Variants in STX11 observed in about 807,000 individuals in gnomAD.
STX11 encodes the protein syntaxin 11.
A neutral mutation model predicts 19.9 loss-of-function variants in STX11; 21 were observed. That is an observed-to-expected ratio of 1.06 (90% CI 0.75 to 1.52). The LOEUF (loss-of-function observed/expected upper bound fraction) is 1.52. Among genes scored for constraint, STX11 ranks in the 40% most tolerant of loss-of-function variants. The pLI, the probability that STX11 is intolerant of heterozygous loss-of-function variation, is 0.00. For synonymous variants in STX11, 193 were observed against 174.4 expected, an observed-to-expected ratio of 1.11 and a Z score of -0.84; for missense variants, 438 against 405.9, an observed-to-expected ratio of 1.08 and a Z score of -0.68.
chr6:144,154,981 G>T lies in STX11; in HGVS notation c.-6+4278G>T, dbSNP rs577132412. On this transcript the variant is annotated intron_variant, in intron 1 of 1. Transcript: ENST00000367568. This position sits in a 1 kb window ranked among gnomAD's most constrained non-coding sequence, Gnocchi z 4.7. ...AAAAAAATGATCCCAACTCTTAACTGTTCTCATTGTTGATAATTCAACCTA... is the reference window on the plus strand; with the variant it reads ...AAAAAAATGATCCCAACTCTTAACTTTTCTCATTGTTGATAATTCAACCTA... 6.6e-6 allele frequency among the ~76,000 whole-genome samples: 1 copy of T among 151,966 alleles called. No individual in the cohort carries two copies. Among genetic ancestry groups the T allele is most frequent in the Non-Finnish European group, 1.5e-5 (1 of 67,998 alleles).
At chr6:144,148,657 C>T (rs915109364), upstream of STX11, among the ~76,000 whole-genome samples, 1 of 152,174 alleles carries the variant, frequency 6.6e-6, no homozygotes, top group African/African-American at 2.4e-5. Flanking sequence ...TTCCCCAAGT[C>T]CTTTTTCTGT....
In STX11 at chr6:144,151,151, G is replaced by A. The variant is rs1204866331; in HGVS notation, c.-6+448G>A. Reference sequence around the variant, plus strand: ...GGTACTTCTTGACTTGAACTTGGCGGTGTCACTCAGTAGCCAGGAAAGACG... The same window carrying A: ...GGTACTTCTTGACTTGAACTTGGCGATGTCACTCAGTAGCCAGGAAAGACG... On this transcript the variant is annotated intron_variant, in intron 1 of 1. Transcript: ENST00000367568. This position sits in a 1 kb window ranked among gnomAD's most constrained non-coding sequence, Gnocchi z 4.6. 1 of 788,630 alleles carries A rather than the reference G, an allele frequency of 1.3e-6. No individual in the cohort carries two copies. The highest frequency in any genetic ancestry group is 1.5e-6 in the Non-Finnish European group (1 of 650,410). 48.9% of individuals were successfully genotyped at this position (788,630 alleles called of 1,614,324 possible). A position where few individuals can be genotyped will look rare whatever the true frequency, so the allele number is the denominator to read the frequency against.
At chr6:144,173,294 A>G (rs1197809199) in intron 1 of STX11, among the ~76,000 whole-genome samples, 3 of 152,104 alleles carry the variant, frequency 2.0e-5, no homozygotes, top group Non-Finnish European at 4.4e-5. Context: ...CCTAAAACCT[A>G]TGTTCATAAT....
rs909173009 is a variant in STX11, at chr6:144,180,432, G to A, written c.-5-6191G>A. On this transcript the variant is annotated intron_variant, in intron 1 of 1. Coordinates refer to ENST00000367568, the MANE Select transcript of STX11 (RefSeq NM_003764.4). This position sits in a 1 kb window ranked among gnomAD's most constrained non-coding sequence, Gnocchi z 5.3. Reference sequence around the variant, plus strand: ...CTCCCAGAATTCCCATGTGTTGTGGGAGGGACCCAGGGGAAGGTAATTGAA... The same window carrying A: ...CTCCCAGAATTCCCATGTGTTGTGGAAGGGACCCAGGGGAAGGTAATTGAA... Among the ~76,000 whole-genome samples the A allele has an allele frequency of 5.9e-5, 9 of 152,202 alleles. No homozygotes were observed. Among genetic ancestry groups the A allele is most frequent in the Admixed American group, 2.0e-4 (3 of 15,278 alleles).
the STX11 span, among the ~76,000 whole-genome samples, chr6:144,143,820 C>T: frequency 2.0e-5 from 3 of 152,288 alleles, no homozygotes; most frequent in South Asian, 6.2e-4. Context: ...TTATTATGTT[C>T]ACTTATGGTA....
Position 144,186,325 on chromosome 6 carries a change from T to A in STX11, c.-5-298T>A, listed in dbSNP as rs560109642. ...AGAACTTAAAGTATAATAAAATATA[T>A]ATAAATAAATAAATAAATAAATAAA... On this transcript the variant is annotated intron_variant, in intron 1 of 1. Coordinates refer to ENST00000367568, the MANE Select transcript of STX11 (RefSeq NM_003764.4). Among the ~76,000 whole-genome samples the A allele has an allele frequency of 9.1e-3, 1,349 of 148,352 alleles. 10 individuals are homozygous for A. Among genetic ancestry groups the A allele is most frequent in the Non-Finnish European group, 0.015 (1,022 of 67,142 alleles).
chr6:144,186,692 G>A lies in STX11; in HGVS notation c.65G>A (p.Gly22Glu). The change falls in exon 2 of 2, where the codon GGG (glycine) becomes GAG (glutamate). Residue 22 changes from glycine to glutamate, a missense_variant. Gly to Glu is a moderately conservative substitution (Grantham distance 98, BLOSUM62 -2). Coordinates refer to ENST00000367568, the MANE Select transcript of STX11 (RefSeq NM_003764.4). ...CAATATGACCAGCAGTTCCCAGACGGGGACGATGAGTTTGACTCGCCCCAC... is the reference window on the plus strand; with the variant it reads ...CAATATGACCAGCAGTTCCCAGACGAGGACGATGAGTTTGACTCGCCCCAC... ...SKQYDQQFPD[G>E]DDEFDSPHED... 6.2e-7 allele frequency: 1 copy of A among 1,614,180 alleles called. No homozygotes were observed. The highest frequency in any genetic ancestry group is 8.5e-7 in the Non-Finnish European group (1 of 1,180,034).
intron 1 of STX11, among the ~76,000 whole-genome samples, chr6:144,185,175 T>C (rs764208744): frequency 9.2e-5 from 14 of 152,242 alleles, no homozygotes; most frequent in Admixed American, 1.3e-4. Context: ...GCTTAATTTA[T>C]GTAAATAATG....
At chr6:144,168,392 T>C (rs1042564567) in intron 1 of STX11, among the ~76,000 whole-genome samples, 3 of 152,228 alleles carry the variant, frequency 2.0e-5, no homozygotes, top group Non-Finnish European at 4.4e-5. Context: ...ATAGGCACTT[T>C]TTCTGCAGTG....
chr6:144,179,066 T>A (rs1034830060), intron 1 of STX11, among the ~76,000 whole-genome samples: 1 of 152,122 alleles, frequency 6.6e-6, no homozygotes, highest in Non-Finnish European at 1.5e-5. Flanking sequence ...CTTACAATCA[T>A]GGTGAGGCAA....
rs1801512160 is a variant in STX11, at chr6:144,167,413, A to G, written c.-6+16710A>G. On this transcript the variant is annotated intron_variant, in intron 1 of 1. Coordinates refer to ENST00000367568, the MANE Select transcript of STX11 (RefSeq NM_003764.4). This position sits in a 1 kb window ranked among gnomAD's most constrained non-coding sequence, Gnocchi z 5.0. ...AAATTTATGTTTCATATATACCTAT[A>G]CACATAGCCTGAAGATAATTGTATA... Among the ~76,000 whole-genome samples the G allele has an allele frequency of 6.6e-6, 1 of 152,218 alleles. No individual in the cohort carries two copies. Among genetic ancestry groups the G allele is most frequent in the African/African-American group, 2.4e-5 (1 of 41,454 alleles).
Position 144,160,826 on chromosome 6 carries a change from G to A in STX11, c.-6+10123G>A, listed in dbSNP as rs1801315856. 6.6e-6 allele frequency among the ~76,000 whole-genome samples: 1 copy of A among 151,988 alleles called. No individual in the cohort carries two copies. The highest frequency in any genetic ancestry group is 1.5e-5 in the Non-Finnish European group (1 of 68,008). On this transcript the variant is annotated intron_variant, in intron 1 of 1. Transcript: ENST00000367568. The surrounding 1 kb of genome is among the most constrained non-coding windows in gnomAD (Gnocchi z 4.3). The stretch of plus-strand genomic sequence containing the variant: ...TAGTGCAAGTGAACATTTAACTCAG[G>A]CTTGAAGTATGACTTCAAGTGAATG...
In STX11 at chr6:144,159,683, A is replaced by G. The variant is rs142467103; in HGVS notation, c.-6+8980A>G. On this transcript the variant is annotated intron_variant, in intron 1 of 1. Coordinates refer to ENST00000367568, the MANE Select transcript of STX11 (RefSeq NM_003764.4). The surrounding 1 kb of genome is among the most constrained non-coding windows in gnomAD (Gnocchi z 4.3). ...GAAGTTACTTTGTTAATATTTTAAT[A>G]TGTAATATACAGTGGAAGAAAATAA... is the stretch of plus-strand genomic sequence containing the variant. Among the ~76,000 whole-genome samples, 648 of 152,360 alleles carry G rather than the reference A, an allele frequency of 4.3e-3. 5 individuals are homozygous for G. The highest frequency in any genetic ancestry group is 5.4e-3 in the Non-Finnish European group (367 of 68,038).
chr6:144,154,901 G>A lies in STX11; in HGVS notation c.-6+4198G>A, dbSNP rs1444205805. 2.6e-5 allele frequency among the ~76,000 whole-genome samples: 4 copies of A among 152,110 alleles called. No homozygotes were observed. In the East Asian group the frequency reaches 7.7e-4, roughly 29 times the overall value. On this transcript the variant is annotated intron_variant, in intron 1 of 1. Coordinates refer to ENST00000367568, the MANE Select transcript of STX11 (RefSeq NM_003764.4). This position sits in a 1 kb window ranked among gnomAD's most constrained non-coding sequence, Gnocchi z 4.7. Reference sequence around the variant, plus strand: ...TTGGGGCACCTGGGTAGATTCTTTTGTCTGAACAGCAGTATTTTGACCAAC... The same window carrying A: ...TTGGGGCACCTGGGTAGATTCTTTTATCTGAACAGCAGTATTTTGACCAAC...
rs58005170 is a variant in STX11, at chr6:144,172,884, T to TA, written c.-5-13727dup. Among the ~76,000 whole-genome samples, 492 of 144,740 alleles carry TA rather than the reference T, an allele frequency of 3.4e-3. 4 individuals carry two copies. Among genetic ancestry groups the TA allele is most frequent in the African/African-American group, 0.01 (405 of 39,850 alleles). 95.0% of individuals were successfully genotyped at this position (144,740 alleles called of 152,430 possible). ...GGATAACAAAAGTAGACACCCCATT[T>TA]AAAAAAAAAAAAGAGCCATTAACAG... On this transcript the variant is annotated intron_variant, in intron 1 of 1. Coordinates refer to ENST00000367568, the MANE Select transcript of STX11 (RefSeq NM_003764.4). The surrounding 1 kb of genome is among the most constrained non-coding windows in gnomAD (Gnocchi z 4.2).
the STX11 span, among the ~76,000 whole-genome samples, chr6:144,141,657 TTGTTG>T: frequency 1.4e-5 from 1 of 72,092 alleles, no homozygotes; most frequent in Non-Finnish European, 2.8e-5. Context: ...TTCAGTTTTG[TTGTTG>T]TTGTTGTTGT....
At chr6:144,156,035 C>G (rs1801151024) in intron 1 of STX11, among the ~76,000 whole-genome samples, 1 of 129,676 alleles carries the variant, frequency 7.7e-6, no homozygotes, top group Non-Finnish European at 1.6e-5. Context: ...TCCTTCCTTC[C>G]TTCCTTCCTT....
rs745617077 is a variant in STX11 at position 144,186,796 on chromosome 6, C to T, written c.169C>T (p.Leu57=). 2 of 1,613,920 alleles carry T rather than the reference C, an allele frequency of 1.2e-6. No individual in the cohort carries two copies. Among genetic ancestry groups the T allele is most frequent in the South Asian group, 2.2e-5 (2 of 91,080 alleles). Residue 57 remains leucine (L), a synonymous_variant, in exon 2 of 2, where the codon CTG becomes TTG. Transcript: ENST00000367568. ...DIRDIQDENQ[L]LVADVKRLGK... ...CCGGGACATTCAGGATGAAAACCAG[C>T]TGCTGGTGGCCGACGTGAAGCGGCT... is the stretch of plus-strand genomic sequence containing the variant.
In STX11 at chr6:144,165,180, C is replaced by T. The variant is rs1460942867; in HGVS notation, c.-6+14477C>T. Among the ~76,000 whole-genome samples the T allele has an allele frequency of 2.6e-5, 4 of 151,978 alleles. No homozygotes were observed. Among genetic ancestry groups the T allele is most frequent in the Non-Finnish European group, 2.9e-5 (2 of 67,996 alleles). On this transcript the variant is annotated intron_variant, in intron 1 of 1. Transcript: ENST00000367568. This position sits in a 1 kb window ranked among gnomAD's most constrained non-coding sequence, Gnocchi z 5.8. ...TTGAAGAAAAATTTTCTTGGCCGGG[C>T]GCGGTGGCTCACGCCTGTAATCCCA...
Sources: gnomAD v4.1 joint callset for allele counts (sites outside exome capture counted in the v4.1 genomes callset) on GRCh38, gnomAD v4.1.1 for gene constraint, Gnocchi (gnomAD v3.1) non-coding constraint, MANE v1.5 for transcripts, NCBI Gene and HGNC (gene_info 2026-07-23, HGNC 2026-07-21) for gene names.